Variants in LY86 observed in about 807,000 individuals in gnomAD.
The protein encoded by LY86 is lymphocyte antigen 86.
In LY86, 20 loss-of-function variants were observed where a neutral mutation model predicts 17.3. The observed-to-expected ratio is 1.15, with a 90% CI of 0.81 to 1.68. The LOEUF (loss-of-function observed/expected upper bound fraction) is 1.68. Ranked by LOEUF, LY86 falls within the 40% of genes most tolerant of loss-of-function variation. LY86 has a pLI of 0.00. For missense variants in LY86, 200 were observed against 191.9 expected, an observed-to-expected ratio of 1.04 and a Z score of -0.25; for synonymous variants, 74 against 70.6, an observed-to-expected ratio of 1.05 and a Z score of -0.24.
chr6:6,605,722 G>C (rs1273358304), intron 1 of LY86, among the ~76,000 whole-genome samples: 1 of 152,218 alleles, frequency 6.6e-6, no homozygotes, highest in East Asian at 1.9e-4. Context: ...CTCGCGGTGA[G>C]TGTTACAGTT....
chr6:6,645,918 A>G (rs1762100322), intron 3 of LY86, among the ~76,000 whole-genome samples: 1 of 152,112 alleles, frequency 6.6e-6, no homozygotes, highest in Non-Finnish European at 1.5e-5. Flanking sequence ...GAGACTGATG[A>G]GTTCTGCTTC....
In LY86 at chr6:6,605,974, G is replaced by A. The variant is rs1427397744; in HGVS notation, c.136+17104G>A. Among the ~76,000 whole-genome samples the A allele has an allele frequency of 5.9e-5, 9 of 152,306 alleles. No individual in the cohort carries two copies. The South Asian group carries it at 6.2e-4, about 11-fold the overall frequency. On this transcript the variant is annotated intron_variant, in intron 1 of 4. Transcript: ENST00000230568. ...CATAAAAGAAGCGTGGACCCAAAGA[G>A]CGACCACCAGCAAAATTTACTGCGA...
Position 6,648,771 on chromosome 6 carries a change from AG to A in LY86, c.353-853del, listed in dbSNP as rs201654839. Among the ~76,000 whole-genome samples the A allele has an allele frequency of 2.2e-3, 325 of 149,918 alleles. 3 individuals are homozygous for A. Among genetic ancestry groups the A allele is most frequent in the African/African-American group, 7.0e-3 (288 of 40,890 alleles). ...CATTATCTTACCCATCTTGGAAAAA[AG>A]AAAAAAACAAGGAAACTGAGCCCAA... is the stretch of plus-strand genomic sequence containing the variant. On this transcript the variant is annotated intron_variant, in intron 3 of 4. Coordinates refer to ENST00000230568, the MANE Select transcript of LY86 (RefSeq NM_004271.4).
intron 3 of LY86, among the ~76,000 whole-genome samples, chr6:6,645,156 A>G (rs1762091586): frequency 6.6e-6 from 1 of 152,158 alleles, no homozygotes; most frequent in African/African-American, 2.4e-5. Flanking sequence ...TTTTAAAACG[A>G]AAGTTTAAAA....
chr6:6,611,204 C>T (rs1478838832), intron 1 of LY86, among the ~76,000 whole-genome samples: 2 of 152,202 alleles, frequency 1.3e-5, no homozygotes, highest in Non-Finnish European at 2.9e-5. Context: ...CTTTTGTTGA[C>T]AAACGTGAAG....
intron 1 of LY86, among the ~76,000 whole-genome samples, chr6:6,595,363 GAGAAGAA>G (rs1760670316): frequency 1.7e-5 from 1 of 59,666 alleles, no homozygotes; most frequent in African/African-American, 3.7e-5. Context: ...AGGAGAAGGG[GAGAAGAA>G]AGAAGAGAGG....
chr6:6,637,275 T>A (rs1350421544), intron 3 of LY86, among the ~76,000 whole-genome samples: 3 of 152,240 alleles, frequency 2.0e-5, no homozygotes, highest in African/African-American at 7.2e-5. Flanking sequence ...CCTCCCAAAG[T>A]GCTGGGATTA....
intron 3 of LY86, among the ~76,000 whole-genome samples, chr6:6,643,631 G>A (rs1284619939): frequency 6.6e-6 from 1 of 152,134 alleles, no homozygotes; most frequent in Non-Finnish European, 1.5e-5. Flanking sequence ...CGTTGCTAAC[G>A]GAGTAGCTCT....
In LY86 at chr6:6,610,567, C is replaced by T. The variant is rs78569282; in HGVS notation, c.137-14359C>T. ...TAGGGGGGGGCAAGGTGAGTGCTAG[C>T]TGATGCCCTGATTTACTGCCTGAGT... On this transcript the variant is annotated intron_variant, in intron 1 of 4. Coordinates refer to ENST00000230568, the MANE Select transcript of LY86 (RefSeq NM_004271.4). Among the ~76,000 whole-genome samples the T allele has an allele frequency of 1.7e-4, 26 of 152,250 alleles. No homozygotes were observed. In the East Asian group the frequency reaches 4.4e-3, roughly 26 times the overall value.
chr6:6,595,378 A>G (rs142802999), intron 1 of LY86, among the ~76,000 whole-genome samples: 1 of 81,126 alleles, frequency 1.2e-5, no homozygotes, highest in Non-Finnish European at 2.9e-5. Flanking sequence ...GAAAGAAGAG[A>G]GGGGAGAAGA....
At chr6:6,588,945 T>A (rs1760439212) in intron 1 of LY86, 75 bp downstream of exon 1, 8 of 1,506,658 alleles carry the variant, frequency 5.3e-6, no homozygotes, top group African/African-American at 3.2e-5. Context: ...TAGTGCTCAG[T>A]TGGAGTTGGG....
chr6:6,620,737 T>A (rs1222113042), intron 1 of LY86: 2 of 152,188 alleles, frequency 1.3e-5, no homozygotes, highest in East Asian at 1.9e-4. Flanking sequence ...TAATGGAGGG[T>A]GGAAGGCACA....
chr6:6,628,949 T>G (rs898792712), intron 3 of LY86, among the ~76,000 whole-genome samples: 3 of 152,244 alleles, frequency 2.0e-5, no homozygotes, highest in African/African-American at 7.2e-5. Context: ...ATTTTCCTGG[T>G]CCTTCAAGTA....
chr6:6,598,264 G>T (rs560437546), intron 1 of LY86, among the ~76,000 whole-genome samples: 35 of 152,008 alleles, frequency 2.3e-4, no homozygotes, highest in African/African-American at 8.2e-4. Flanking sequence ...AGCAGACAAA[G>T]CACAAATTAT....
chr6:6,643,275 G>A (rs576892171), intron 3 of LY86, among the ~76,000 whole-genome samples: 1 of 152,172 alleles, frequency 6.6e-6, no homozygotes, highest in Non-Finnish European at 1.5e-5. Context: ...AAAAACAACA[G>A]CGACAGATGA....
chr6:6,632,827 A>G (rs567017611), intron 3 of LY86, among the ~76,000 whole-genome samples: 31 of 152,302 alleles, frequency 2.0e-4, no homozygotes, highest in African/African-American at 7.2e-4. Context: ...CCTGACATCT[A>G]TCAAAGTGTG....
At chr6:6,643,705 C>G (rs1375220876) in intron 3 of LY86, among the ~76,000 whole-genome samples, 1 of 152,208 alleles carries the variant, frequency 6.6e-6, no homozygotes, top group Non-Finnish European at 1.5e-5. Context: ...CACAAAAACG[C>G]ACATACATTC....
chr6:6,606,791 C>T (rs544266675), intron 1 of LY86, among the ~76,000 whole-genome samples: 2 of 152,356 alleles, frequency 1.3e-5, no homozygotes, highest in South Asian at 2.1e-4. Context: ...AGCCCGGGTT[C>T]CCGCTTACGC....
At chr6:6,613,512 G>T (rs951644257) in intron 1 of LY86, among the ~76,000 whole-genome samples, 1 of 152,170 alleles carries the variant, frequency 6.6e-6, no homozygotes, top group African/African-American at 2.4e-5. Context: ...CTCACTGCCC[G>T]GGGCTTGCTG....
Sources: gnomAD v4.1 joint callset for allele counts (sites outside exome capture counted in the v4.1 genomes callset) on GRCh38, gnomAD v4.1.1 for gene constraint, MANE v1.5 for transcripts, NCBI Gene and HGNC (gene_info 2026-07-23, HGNC 2026-07-21) for gene names.